PSMC6: variants seen among roughly 807,000 people sequenced by gnomAD.
PSMC6 encodes the protein 26S proteasome regulatory subunit 10B.
Under a neutral mutation model 55.9 loss-of-function variants are expected in PSMC6, and 3 were observed. The ratio of observed to expected loss-of-function variants is 0.05; its 90% CI spans 0.02 to 0.14. The LOEUF is 0.14. Among genes scored for constraint, PSMC6 ranks in the 10% least tolerant of loss-of-function variants. PSMC6 has a pLI of 1.00. For synonymous variants in PSMC6, 137 were observed against 155.9 expected (o/e 0.88, Z 0.90); for missense variants, 210 against 478.7 (o/e 0.44, Z 5.24).
At chr14:52,709,562 A>G (rs890074700) in intron 4 of PSMC6, 1 of 454,850 alleles carries the variant, frequency 2.2e-6, no homozygotes, top group Non-Finnish European at 4.4e-6. Flanking sequence ...AGGGATTTTC[A>G]TGTCCCTTTC....
chr14:52,710,975 TA>T, intron 4 of PSMC6, 125 bp from the exon 5 acceptor site: 3 of 842,722 alleles, frequency 3.6e-6, no homozygotes, highest in Non-Finnish European at 5.9e-6. Context: ...ATAGAGTTTA[TA>T]ATCTGATATT....
intron 7 of PSMC6, among the ~76,000 whole-genome samples, chr14:52,715,777 A>G (rs2041824027): frequency 2.0e-5 from 3 of 151,754 alleles, no homozygotes; most frequent in African/African-American, 7.3e-5. Flanking sequence ...CCACCATGCC[A>G]GGCTAATTTT....
In PSMC6 at chr14:52,707,314, C is replaced by G; in HGVS notation, c.85+10C>G. The stretch of plus-strand genomic sequence containing the variant: ...GGCCGTCTTAAGGAGTGTGAGTGCA[C>G]CTTTCTTTCCATTTAATCAAGTGCC... On this transcript the variant is annotated intron_variant, in intron 1 of 13. Transcript: ENST00000445930. 1.2e-6 allele frequency: 2 copies of G among 1,613,756 alleles called. No individual in the cohort carries two copies. Among genetic ancestry groups the G allele is most frequent in the Non-Finnish European group, 1.7e-6 (2 of 1,179,974 alleles).
chr14:52,725,620 G>A (rs770154257), intron 13 of PSMC6, among the ~76,000 whole-genome samples: 1 of 152,148 alleles, frequency 6.6e-6, no homozygotes, highest in African/African-American at 2.4e-5. Context: ...GCCCAGACCT[G>A]ATCATTTCTC....
intron 7 of PSMC6, among the ~76,000 whole-genome samples, chr14:52,716,992 A>G (rs1454741305): frequency 1.3e-5 from 2 of 152,218 alleles, no homozygotes; most frequent in African/African-American, 4.8e-5. Flanking sequence ...GTGGTGGTGT[A>G]TGGGGATAGG....
intron 6 of PSMC6, among the ~76,000 whole-genome samples, chr14:52,713,172 A>G (rs758784140): frequency 6.6e-6 from 1 of 152,070 alleles, no homozygotes; most frequent in Non-Finnish European, 1.5e-5. Flanking sequence ...AGAGGTTGCA[A>G]TGAGCCAAGA....
intron 1 of PSMC6, among the ~76,000 whole-genome samples, chr14:52,707,866 A>C (rs2041721163): frequency 1.3e-5 from 2 of 152,182 alleles, no homozygotes; most frequent in African/African-American, 4.8e-5. Flanking sequence ...AAGCATGAGT[A>C]GTTTAATTAA....
At chr14:52,711,273 CT>C in intron 5 of PSMC6, 105 bp downstream of exon 5, 1 of 1,332,990 alleles carries the variant, frequency 7.5e-7, no homozygotes, top group Non-Finnish European at 1.1e-6. Flanking sequence ...CACTTTTTCC[CT>C]TTTACTAGTT....
At chr14:52,714,867 A>C (rs1162014256) in intron 7 of PSMC6, among the ~76,000 whole-genome samples, 2 of 146,996 alleles carry the variant, frequency 1.4e-5, no homozygotes, top group Non-Finnish European at 3.0e-5. Context: ...CTCCTTCTCA[A>C]AAAAAAAAAA....
chr14:52,713,924 T>C lies in PSMC6; in HGVS notation c.485T>C (p.Val162Ala). Residue 162 changes from valine (V) to alanine (A), a missense_variant, in exon 7 of 14, where the codon GTA becomes GCA. Physicochemically the swap from Val to Ala is moderately conservative, Grantham distance 64 (BLOSUM62 0). Coordinates refer to ENST00000445930, the MANE Select transcript of PSMC6 (RefSeq NM_002806.5). ...ACAAACCCAGAGTTATTTCAGCGTGTAGGAATAATACCTCCAAAAGGCTGT... is the reference window on the plus strand; with the variant it reads ...ACAAACCCAGAGTTATTTCAGCGTGCAGGAATAATACCTCCAAAAGGCTGT... ...PLTNPELFQR[V>A]GIIPPKGCLL... The C allele has an allele frequency of 6.2e-7, 1 of 1,601,138 alleles. No individual in the cohort carries two copies. Among genetic ancestry groups the C allele is most frequent in the Non-Finnish European group, 8.5e-7 (1 of 1,170,698 alleles).
chr14:52,718,513 G>C, intron 9 of PSMC6, 161 bp downstream of exon 9: 2 of 791,078 alleles, frequency 2.5e-6, no homozygotes, highest in Non-Finnish European at 3.8e-6. Flanking sequence ...TCATGGCCGG[G>C]TGTGGTGGCT....
intron 7 of PSMC6, among the ~76,000 whole-genome samples, chr14:52,715,129 T>C (rs1267077578): frequency 4.6e-5 from 4 of 87,038 alleles, no homozygotes; most frequent in African/African-American, 1.9e-4. Flanking sequence ...ATACTTGCAG[T>C]GTAAAAAAAA....
intron 13 of PSMC6, among the ~76,000 whole-genome samples, chr14:52,724,583 G>A (rs1365482582): frequency 6.6e-6 from 1 of 152,192 alleles, no homozygotes; most frequent in Non-Finnish European, 1.5e-5. Context: ...TGTGAGCAGT[G>A]TTTTGAAAGA....
intron 4 of PSMC6, 42 bp downstream of exon 4, chr14:52,708,858 C>T (rs2139834639): frequency 1.2e-6 from 2 of 1,603,768 alleles, no homozygotes; most frequent in East Asian, 4.5e-5. Flanking sequence ...ATTGACAAAG[C>T]AGTTTCATGT....
At chr14:52,719,814 G>A (rs1054199349) in intron 10 of PSMC6, among the ~76,000 whole-genome samples, 2 of 152,088 alleles carry the variant, frequency 1.3e-5, no homozygotes, top group Admixed American at 6.5e-5. Context: ...TGTCAGACTA[G>A]CTATATTTTA....
rs931015229 is a variant in PSMC6 at position 52,727,988 on chromosome 14, T to G, written c.*371T>G. ...GAATAAAATCTGTTTGATTCAGTTC[T>G]CCTACATATATATTCTTGTCTTTTC... On this transcript the variant is annotated 3_prime_UTR_variant, in exon 14 of 14. Coordinates refer to ENST00000445930, the MANE Select transcript of PSMC6 (RefSeq NM_002806.5). 1 of 176,016 alleles carries G rather than the reference T, an allele frequency of 5.7e-6. No homozygotes were observed. Among genetic ancestry groups the G allele is most frequent in the South Asian group, 1.2e-4 (1 of 8,354 alleles). 10.9% of individuals were successfully genotyped at this position (176,016 alleles called of 1,614,324 possible). A position where few individuals can be genotyped will look rare whatever the true frequency, so the allele number is the denominator to read the frequency against.
At chr14:52,725,748 C>T (rs1179140923) in intron 13 of PSMC6, among the ~76,000 whole-genome samples, 2 of 152,214 alleles carry the variant, frequency 1.3e-5, no homozygotes, top group Non-Finnish European at 2.9e-5. Flanking sequence ...TTCCTGGGCC[C>T]AAGTAATCCA....
chr14:52,707,354 C>G lies in PSMC6; in HGVS notation c.85+50C>G, dbSNP rs953069276. 2.5e-6 allele frequency: 4 copies of G among 1,608,160 alleles called. No homozygotes were observed. In the Admixed American group the frequency reaches 6.8e-5, roughly 27 times the overall value. ...AATCAAGTGCCTCGACTCGCTTCTG[C>G]CTCTGACAAAGCAGAAGCCTTTCGC... On this transcript the variant is annotated intron_variant, in intron 1 of 13. Transcript: ENST00000445930.
At position 52,724,075 on chromosome 14, in the gene PSMC6, T is replaced by G. The variant is rs371573494; in HGVS notation, c.1051+39T>G. The G allele has an allele frequency of 9.9e-4, 1,556 of 1,572,212 alleles. 21 individuals carry two copies. The highest frequency in any genetic ancestry group is 6.2e-3 in the South Asian group (547 of 88,426). ...GTACAGTTTTACTATTGATTTTGAT[T>G]TTTAAAATTTGCTGAAACTGTTTTG... On this transcript the variant is annotated intron_variant, in intron 13 of 13. Coordinates refer to ENST00000445930, the MANE Select transcript of PSMC6 (RefSeq NM_002806.5).
Sources: gnomAD v4.1 joint callset for allele counts (sites outside exome capture counted in the v4.1 genomes callset) on GRCh38, gnomAD v4.1.1 for gene constraint, MANE v1.5 for transcripts, NCBI Gene and HGNC (gene_info 2026-07-23, HGNC 2026-07-21) for gene names.